The following PCMTD1 variants were observed in gnomAD, a reference collection of about 807,000 sequenced individuals.
PCMTD1 encodes the protein protein-L-isoaspartate (D-aspartate) O-methyltransferase domain containing 1.
PCMTD1 carries 12 observed loss-of-function variants against 37.6 expected under a neutral mutation model. The ratio of observed to expected loss-of-function variants is 0.32; its 90% CI spans 0.20 to 0.52. The LOEUF is 0.52. Ranked by LOEUF, PCMTD1 falls within the 20% of genes least tolerant of loss-of-function variation. PCMTD1 has a pLI of 0.97. For synonymous variants in PCMTD1, 117 were observed against 135.8 expected, an observed-to-expected ratio of 0.86 and a Z score of 0.96; for missense variants, 235 against 421.3, an observed-to-expected ratio of 0.56 and a Z score of 3.87.
intron 1 of PCMTD1, among the ~76,000 whole-genome samples, chr8:51,866,098 T>C (rs1339896208): frequency 6.6e-6 from 1 of 151,854 alleles, no homozygotes; most frequent in Non-Finnish European, 1.5e-5. Context: ...AAGTAAACTT[T>C]AACCCAGGAG....
intron 1 of PCMTD1, among the ~76,000 whole-genome samples, chr8:51,872,477 C>G (rs989892789): frequency 4.6e-5 from 7 of 152,022 alleles, no homozygotes; most frequent in Non-Finnish European, 1.5e-5. Flanking sequence ...CCTAGAAAAA[C>G]CTTTAAAACA....
intron 1 of PCMTD1, among the ~76,000 whole-genome samples, chr8:51,862,370 A>T (rs1393624696): frequency 6.7e-6 from 1 of 148,260 alleles, no homozygotes; most frequent in Non-Finnish European, 1.5e-5. Flanking sequence ...ACACACACAC[A>T]CACTCACACA....
chr8:51,885,996 CA>C (rs1332823517), intron 1 of PCMTD1, among the ~76,000 whole-genome samples: 2 of 152,216 alleles, frequency 1.3e-5, no homozygotes, highest in African/African-American at 4.8e-5. Flanking sequence ...AGTGAATGCA[CA>C]AGGATATTCT....
intron 1 of PCMTD1, among the ~76,000 whole-genome samples, chr8:51,893,823 G>C (rs1425612778): frequency 6.6e-6 from 1 of 152,152 alleles, no homozygotes; most frequent in Non-Finnish European, 1.5e-5. Context: ...GTGACAGAGA[G>C]AGAGAAACTA....
At chr8:51,887,834 C>G (rs901493678) in intron 1 of PCMTD1, among the ~76,000 whole-genome samples, 2 of 151,496 alleles carry the variant, frequency 1.3e-5, no homozygotes, top group East Asian at 3.9e-4. Context: ...CTCTGCCTCC[C>G]GGGTTCAAGC....
intron 3 of PCMTD1, among the ~76,000 whole-genome samples, chr8:51,836,427 TAA>T (rs537664667): frequency 5.3e-4 from 81 of 152,330 alleles, no homozygotes; most frequent in Non-Finnish European, 9.6e-4. Context: ...TTTTACTTAA[TAA>T]AGAGTTGCTT....
At position 51,826,378 on chromosome 8, in the gene PCMTD1, C is replaced by T. The variant is rs532481159; in HGVS notation, c.706+5066G>A. ...CCAGGGCCTGTCAAGGGATGGGGGG[C>T]TAGGGGACGAGAGGGATAGCATTAG... On this transcript the variant is annotated intron_variant, in intron 5 of 5. Coordinates refer to ENST00000522514, the MANE Select transcript of PCMTD1 (RefSeq NM_052937.4). Among the ~76,000 whole-genome samples the T allele has an allele frequency of 3.6e-4, 54 of 151,746 alleles. No homozygotes were observed. In the East Asian group the frequency reaches 8.7e-3, roughly 24 times the overall value.
intron 4 of PCMTD1, among the ~76,000 whole-genome samples, chr8:51,832,749 G>C (rs2038014747): frequency 6.6e-6 from 1 of 152,152 alleles, no homozygotes; most frequent in Non-Finnish European, 1.5e-5. Context: ...AATAGCTGCA[G>C]AATATTTTCA....
intron 1 of PCMTD1, among the ~76,000 whole-genome samples, chr8:51,865,596 G>A (rs1481387154): frequency 1.3e-5 from 2 of 151,964 alleles, no homozygotes; most frequent in East Asian, 3.8e-4. Flanking sequence ...TTCAATAGAT[G>A]CAGAAAAAGC....
chr8:51,831,869 C>A (rs2038003123), intron 4 of PCMTD1, among the ~76,000 whole-genome samples: 1 of 152,176 alleles, frequency 6.6e-6, no homozygotes, highest in Non-Finnish European at 1.5e-5. Flanking sequence ...TCTATACATG[C>A]CATTGCCTTT....
intron 3 of PCMTD1, chr8:51,844,847 G>A (rs1329800893): frequency 2.0e-5 from 3 of 152,180 alleles, no homozygotes; most frequent in East Asian, 1.9e-4. Flanking sequence ...CTCCCAACAA[G>A]CCGAGTTGAA....
chr8:51,861,396 T>G, intron 1 of PCMTD1, 150 bp from the exon 2 acceptor site: 1 of 536,734 alleles, frequency 1.9e-6, no homozygotes, highest in South Asian at 3.1e-5. Context: ...TTAACTATAT[T>G]ATTTTATTTA....
rs1406998530 is a variant in PCMTD1 at position 51,818,492 on chromosome 8, G to A, written c.*1859C>T. ...CCAGATAAAAACATGTGGTCACCAG[G>A]AATTCAAGGTAACTAGGTACTTCAA... On this transcript the variant is annotated 3_prime_UTR_variant, in exon 6 of 6. Transcript: ENST00000522514. 1 of 152,318 alleles carries A rather than the reference G, an allele frequency of 6.6e-6. No individual in the cohort carries two copies. Among genetic ancestry groups the A allele is most frequent in the African/African-American group, 2.4e-5 (1 of 41,356 alleles). The allele number at this position is 152,318 out of a possible 1,614,324, so 9.4% of individuals were successfully genotyped here.
chr8:51,897,222 A>G (rs1044321261), intron 1 of PCMTD1, among the ~76,000 whole-genome samples: 2 of 152,260 alleles, frequency 1.3e-5, no homozygotes, highest in Non-Finnish European at 2.9e-5. Flanking sequence ...GATTAAATCA[A>G]CAAAGCCTCC....
intron 2 of PCMTD1, among the ~76,000 whole-genome samples, chr8:51,858,884 T>C (rs1397154614): frequency 6.6e-6 from 1 of 152,200 alleles, no homozygotes; most frequent in Non-Finnish European, 1.5e-5. Flanking sequence ...CACAATGGTC[T>C]CTTTCCCCAC....
intron 1 of PCMTD1, among the ~76,000 whole-genome samples, chr8:51,889,759 AG>A (rs1421590624): frequency 6.6e-6 from 1 of 152,186 alleles, no homozygotes; most frequent in African/African-American, 2.4e-5. Context: ...TCCCACATAA[AG>A]TGTCAGTTTT....
chr8:51,862,307 T>G (rs2038483868), intron 1 of PCMTD1, among the ~76,000 whole-genome samples: 2 of 151,988 alleles, frequency 1.3e-5, no homozygotes, highest in South Asian at 4.1e-4. Flanking sequence ...AAACCACAAA[T>G]TTTATTAATA....
chr8:51,854,660 C>T (rs1331435999), intron 2 of PCMTD1, among the ~76,000 whole-genome samples: 1 of 152,124 alleles, frequency 6.6e-6, no homozygotes, highest in Non-Finnish European at 1.5e-5. Flanking sequence ...GGGCAGATCA[C>T]AAGGTAAGGA....
chr8:51,831,113 C>A (rs576848810), intron 5 of PCMTD1, among the ~76,000 whole-genome samples: 2 of 152,048 alleles, frequency 1.3e-5, no homozygotes, highest in East Asian at 3.9e-4. Flanking sequence ...GCCTGGCCAA[C>A]ATGGTGAAAC....
Sources: gnomAD v4.1 joint callset for allele counts (sites outside exome capture counted in the v4.1 genomes callset) on GRCh38, gnomAD v4.1.1 for gene constraint, MANE v1.5 for transcripts, NCBI Gene and HGNC (gene_info 2026-07-23, HGNC 2026-07-21) for gene names.